C12orf42: variants seen among roughly 807,000 people sequenced by gnomAD.
C12orf42 encodes the protein uncharacterized protein C12orf42.
In C12orf42, 25 loss-of-function variants were observed where a neutral mutation model predicts 21.6. The ratio of observed to expected loss-of-function variants is 1.16; its 90% CI spans 0.84 to 1.62. The LOEUF (loss-of-function observed/expected upper bound fraction) is 1.62, where lower values mean the gene tolerates loss of function less well. Ranked by LOEUF, C12orf42 falls within the 40% of genes most tolerant of loss-of-function variation. The pLI, the probability that C12orf42 is intolerant of heterozygous loss-of-function variation, is 0.00. For synonymous variants in C12orf42, 174 were observed against 175.0 expected (o/e 0.99, Z 0.05); for missense variants, 483 against 459.3 (o/e 1.05, Z -0.47).
At chr12:103,148,158 G>T in the C12orf42 span, among the ~76,000 whole-genome samples, 1 of 152,086 alleles carries the variant, frequency 6.6e-6, no homozygotes, top group Non-Finnish European at 1.5e-5. Context: ...TTCTGGAATT[G>T]GATCCTCACT....
the C12orf42 span, among the ~76,000 whole-genome samples, chr12:103,562,910 C>T: frequency 3.9e-5 from 6 of 152,184 alleles, no homozygotes; most frequent in East Asian, 1.9e-4. Context: ...TCACATTAAC[C>T]GGACCCCTAA....
intron 1 of C12orf42, among the ~76,000 whole-genome samples, chr12:103,479,294 G>A (rs1174102406): frequency 1.3e-5 from 2 of 152,078 alleles, no homozygotes. Context: ...GTAGTTCTGA[G>A]GCTTGAGTTT....
intron 4 of C12orf42, 83 bp downstream of exon 4, chr12:103,368,804 A>G (rs2044876216): frequency 1.4e-6 from 1 of 699,992 alleles, no homozygotes; most frequent in Non-Finnish European, 2.3e-6. Context: ...GTTCTTCAAT[A>G]CAATCTTTAT....
At chr12:103,190,723 A>G in the C12orf42 span, among the ~76,000 whole-genome samples, 2 of 152,202 alleles carry the variant, frequency 1.3e-5, no homozygotes, top group African/African-American at 4.8e-5. Flanking sequence ...AAAAAGAGAA[A>G]AATGAATGAA....
rs375852869 is a variant in C12orf42 at position 103,451,060 on chromosome 12, G to T, written c.78+27289C>A. Among the ~76,000 whole-genome samples, 43 of 151,996 alleles carry T rather than the reference G, an allele frequency of 2.8e-4. No homozygotes were observed. In the East Asian group the frequency reaches 4.1e-3, roughly 14 times the overall value. On this transcript the variant is annotated intron_variant, in intron 2 of 5. Coordinates refer to ENST00000548883, the MANE Select transcript of C12orf42 (RefSeq NM_198521.5). Reference sequence around the variant, plus strand: ...CCTCTCTCTATATCATTGTCACTTTGGGTGTGTCAGACTGCTGTAGGACAC... The same window carrying T: ...CCTCTCTCTATATCATTGTCACTTTTGGTGTGTCAGACTGCTGTAGGACAC...
intron 3 of C12orf42, among the ~76,000 whole-genome samples, chr12:103,388,318 G>A: frequency 6.6e-6 from 1 of 152,248 alleles, no homozygotes; most frequent in Non-Finnish European, 1.5e-5. Flanking sequence ...GATGGGTGGG[G>A]TCAGTGCCTA....
chr12:103,457,718 G>A (rs958579192), intron 2 of C12orf42, among the ~76,000 whole-genome samples: 2 of 152,132 alleles, frequency 1.3e-5, no homozygotes, highest in African/African-American at 2.4e-5. Context: ...CTACAATTTT[G>A]TATTAAACTG....
chr12:103,118,326 T>C, the C12orf42 span, among the ~76,000 whole-genome samples: 1 of 152,156 alleles, frequency 6.6e-6, no homozygotes. Flanking sequence ...ATGAATGAAT[T>C]GAATTGTCTA....
At chr12:103,123,217 G>C in the C12orf42 span, among the ~76,000 whole-genome samples, 1 of 152,194 alleles carries the variant, frequency 6.6e-6, no homozygotes, top group Non-Finnish European at 1.5e-5. Flanking sequence ...ACCAATCCTA[G>C]AGTGAAGAGG....
chr12:103,258,877 A>G (rs1290573665), intron 10 of C12orf42, among the ~76,000 whole-genome samples: 3 of 152,188 alleles, frequency 2.0e-5, no homozygotes, highest in East Asian at 1.9e-4. Flanking sequence ...ATTCAACACC[A>G]TAAAGATATC....
At chr12:103,417,714 A>T (rs1434085777) in intron 2 of C12orf42, among the ~76,000 whole-genome samples, 1 of 152,220 alleles carries the variant, frequency 6.6e-6, no homozygotes, top group African/African-American at 2.4e-5. Flanking sequence ...GGAAAGTTAT[A>T]CTGGGTAGAC....
the C12orf42 span, among the ~76,000 whole-genome samples, chr12:103,188,585 G>A: frequency 1.3e-5 from 2 of 152,176 alleles, no homozygotes; most frequent in African/African-American, 4.8e-5. Flanking sequence ...TTTGGGCCAT[G>A]GGGGTGGATC....
chr12:103,113,331 A>G, the C12orf42 span, among the ~76,000 whole-genome samples: 24 of 152,330 alleles, frequency 1.6e-4, no homozygotes, highest in African/African-American at 5.8e-4. Context: ...CCAAAGGGAA[A>G]CAAATATTTA....
chr12:103,206,168 G>A, the C12orf42 span, among the ~76,000 whole-genome samples: 1 of 152,164 alleles, frequency 6.6e-6, no homozygotes, highest in Admixed American at 6.5e-5. Context: ...AGCACTCAAC[G>A]CCAAAGGGCT....
At chr12:103,141,696 A>G in the C12orf42 span, among the ~76,000 whole-genome samples, 1 of 151,734 alleles carries the variant, frequency 6.6e-6, no homozygotes, top group Non-Finnish European at 1.5e-5. Context: ...CACCCAGCTA[A>G]TTTTTGTATT....
At chr12:103,294,634 AAGAAGGAAAAGAAAG>A (rs1419286894) in intron 4 of C12orf42, among the ~76,000 whole-genome samples, 2 of 148,966 alleles carry the variant, frequency 1.3e-5, no homozygotes, top group African/African-American at 4.9e-5. Flanking sequence ...GAAAGAAAGA[AAGAAGGAAAAGAAAG>A]AGAAAGAAAG....
At chr12:103,506,860 A>ATATATATATATTTATATATTATATAT in the C12orf42 span, among the ~76,000 whole-genome samples, 4 of 71,934 alleles carry the variant, frequency 5.6e-5, no homozygotes, top group Non-Finnish European at 9.3e-5. Context: ...TTTATATATT[A>ATATATATATATTTATATATTATATAT]TATATATATA....
rs549611876 is a variant in C12orf42 at position 103,488,730 on chromosome 12, G to A, written c.-22+7172C>T. ...TTCAATCTCTGATACCGTTTCTTCCGCTTCTTGAATTGGCTATTGAAGCTT... is the reference window on the plus strand; with the variant it reads ...TTCAATCTCTGATACCGTTTCTTCCACTTCTTGAATTGGCTATTGAAGCTT... On this transcript the variant is annotated intron_variant, in intron 1 of 5. Transcript: ENST00000548883. 2.1e-4 allele frequency among the ~76,000 whole-genome samples: 32 copies of A among 151,944 alleles called. 1 individual carries two copies. The highest frequency in any genetic ancestry group is 1.0e-3 in the South Asian group (5 of 4,796).
intron 2 of C12orf42, among the ~76,000 whole-genome samples, chr12:103,455,485 T>A (rs772914952): frequency 3.3e-5 from 5 of 152,118 alleles, no homozygotes; most frequent in Non-Finnish European, 7.4e-5. Context: ...CTCTTAGGTT[T>A]GTTTTGTTCT....
Sources: gnomAD v4.1 joint callset for allele counts (sites outside exome capture counted in the v4.1 genomes callset) on GRCh38, gnomAD v4.1.1 for gene constraint, MANE v1.5 for transcripts, NCBI Gene and HGNC (gene_info 2026-07-23, HGNC 2026-07-21) for gene names.